The following CLDN12 variants were observed in gnomAD, a reference collection of about 807,000 sequenced individuals.
CLDN12 encodes claudin-12.
Under a neutral mutation model 15.5 loss-of-function variants are expected in CLDN12, and 9 were observed. The observed-to-expected ratio is 0.58, with a 90% CI of 0.35 to 1.02. CLDN12 has a LOEUF of 1.02. Among genes scored for constraint, CLDN12 ranks in the 50% least tolerant of loss-of-function variants. The pLI is 0.02. For synonymous variants in CLDN12, 140 were observed against 121.6 expected, an observed-to-expected ratio of 1.15 and a Z score of -1.00; for missense variants, 233 against 297.3, an observed-to-expected ratio of 0.78 and a Z score of 1.59.
At position 90,414,444 on chromosome 7, in the gene CLDN12, G is replaced by T. The variant is rs1019108615; in HGVS notation, c.*1033G>T. 37 of 964,934 alleles carry T rather than the reference G, an allele frequency of 3.8e-5. No individual in the cohort carries two copies. In the African/African-American group the frequency reaches 6.2e-4, roughly 16 times the overall value. The allele number at this position is 964,934 out of a possible 1,614,324, so 59.8% of individuals were successfully genotyped here. A position where few individuals can be genotyped will look rare whatever the true frequency, so the allele number is the denominator to read the frequency against. ...GCATATATCTCTGCCTAACACTTTA[G>T]TAGGTGCTATAGAGGATACATGAAA... is the stretch of plus-strand genomic sequence containing the variant. On this transcript the variant is annotated 3_prime_UTR_variant, in exon 4 of 4. Coordinates refer to ENST00000496677, the MANE Select transcript of CLDN12 (RefSeq NM_001185072.3).
rs1329659224 is a variant in CLDN12, at chr7:90,403,554, G to A, written c.-167+5G>A. The A allele has an allele frequency of 6.6e-6, 1 of 152,190 alleles. No homozygotes were observed. The highest frequency in any genetic ancestry group is 2.4e-5 in the African/African-American group (1 of 41,450). The allele number at this position is 152,190 out of a possible 1,614,324, so 9.4% of individuals were successfully genotyped here. ...TGCCCTGCGTGTGAGAAGCAGGTAG[G>A]TGTGGTCAAGATGTTCCGATTTCTG... On this transcript the variant is annotated splice_donor_5th_base_variant and intron_variant, in intron 1 of 3. Transcript: ENST00000496677.
chr7:90,411,690 C>A (rs553125861), intron 2 of CLDN12, among the ~76,000 whole-genome samples: 1 of 151,724 alleles, frequency 6.6e-6, no homozygotes, highest in Non-Finnish European at 1.5e-5. Context: ...ATTTCAGGGA[C>A]CATTGTTCTC....
In CLDN12 at chr7:90,415,047, C is replaced by T. The variant is rs1797046266; in HGVS notation, c.*1636C>T. On this transcript the variant is annotated 3_prime_UTR_variant, in exon 4 of 4. Transcript: ENST00000496677. Reference sequence around the variant, plus strand: ...TTATATGGTAAACAGATTATTATGCCTTTTTGCAATTCTGAATATGATTCT... The same window carrying T: ...TTATATGGTAAACAGATTATTATGCTTTTTTGCAATTCTGAATATGATTCT... 1 of 166,810 alleles carries T rather than the reference C, an allele frequency of 6.0e-6. No individual in the cohort carries two copies. Among genetic ancestry groups the T allele is most frequent in the African/African-American group, 2.4e-5 (1 of 41,404 alleles). The allele number at this position is 166,810 out of a possible 1,614,324, so 10.3% of individuals were successfully genotyped here.
rs1797028511 is a variant in CLDN12 at position 90,414,158 on chromosome 7, A to G, written c.*747A>G. ...TGAGGCAGAAAACTCTTTTTTGGAG[A>G]TATCTTCCATCAAGCAGTACTCGTG... On this transcript the variant is annotated 3_prime_UTR_variant, in exon 4 of 4. Transcript: ENST00000496677. 4 of 1,000,006 alleles carry G rather than the reference A, an allele frequency of 4.0e-6. No homozygotes were observed. The highest frequency in any genetic ancestry group is 4.8e-6 in the Non-Finnish European group (4 of 829,970). The allele number at this position is 1,000,006 out of a possible 1,614,324, so 61.9% of individuals were successfully genotyped here. A position where few individuals can be genotyped will look rare whatever the true frequency, so the allele number is the denominator to read the frequency against.
chr7:90,413,023 C>G lies in CLDN12; in HGVS notation c.347C>G (p.Ser116Trp), dbSNP rs747740249. The G allele has an allele frequency of 1.1e-5, 17 of 1,614,070 alleles. No homozygotes were observed. Among genetic ancestry groups the G allele is most frequent in the Non-Finnish European group, 1.4e-5 (16 of 1,180,052 alleles). Residue 116 changes from serine (S) to tryptophan (W), a missense_variant, in exon 4 of 4, where the codon TCG (serine) becomes TGG (tryptophan). By Grantham distance (177) the Ser-to-Trp change is radical. Transcript: ENST00000496677. ...ATGTGCAACACTGCCTTCAGGTCCT[C>G]GGTGCCCAACATCAAACTGGCCAAG... Reference protein sequence around the residue: ...IGMCNTAFRSSVPNIKLAKCL... With the variant: ...IGMCNTAFRSWVPNIKLAKCL...
At chr7:90,409,595 G>C (rs949390128) in intron 2 of CLDN12, among the ~76,000 whole-genome samples, 1 of 152,156 alleles carries the variant, frequency 6.6e-6, no homozygotes, top group Non-Finnish European at 1.5e-5. Flanking sequence ...GAAGACTTCT[G>C]AAGCTTGAAA....
chr7:90,408,368 T>C (rs562489412), intron 2 of CLDN12, among the ~76,000 whole-genome samples: 49 of 152,194 alleles, frequency 3.2e-4, no homozygotes, highest in African/African-American at 1.2e-3. Context: ...TCTGGCATGG[T>C]GGCATGCACC....
In CLDN12 at chr7:90,415,137, G is replaced by A. The variant is rs559357320; in HGVS notation, c.*1726G>A. 349 of 165,784 alleles carry A rather than the reference G, an allele frequency of 2.1e-3. 3 individuals are homozygous for A. Among genetic ancestry groups the A allele is most frequent in the South Asian group, 4.8e-3 (23 of 4,828 alleles). 10.3% of individuals were successfully genotyped at this position (165,784 alleles called of 1,614,324 possible). A position where few individuals can be genotyped will look rare whatever the true frequency, so the allele number is the denominator to read the frequency against. ...TCCAACACTAGTTTATATATATAGC[G>A]AATAAATCTAGTTGTATAAATTTTT... On this transcript the variant is annotated 3_prime_UTR_variant, in exon 4 of 4. Coordinates refer to ENST00000496677, the MANE Select transcript of CLDN12 (RefSeq NM_001185072.3).
In CLDN12 at chr7:90,413,386, T is replaced by C. The variant is rs1436940870; in HGVS notation, c.710T>C (p.Ile237Thr). Residue 237 changes from isoleucine (I) to threonine (T), a missense_variant, in exon 4 of 4, where the codon ATT (isoleucine) becomes ACT (threonine). Coordinates refer to ENST00000496677, the MANE Select transcript of CLDN12 (RefSeq NM_001185072.3). ...RSRLSAIEIDIPVVSHTT is the reference protein window; with the variant it reads ...RSRLSAIEIDTPVVSHTT ...CGCCTCTCTGCCATTGAAATTGACA[T>C]TCCAGTAGTTTCACACACCACTTAA... 1 of 1,613,800 alleles carries C rather than the reference T, an allele frequency of 6.2e-7. No individual in the cohort carries two copies. The highest frequency in any genetic ancestry group is 1.1e-5 in the South Asian group (1 of 91,034).
chr7:90,413,523 A>G lies in CLDN12; in HGVS notation c.*112A>G. Reference sequence around the variant, plus strand: ...TCCTTTGTTTTTGACCAATCAATGAAGCCAAATTTATATGTCCTAGTAGAA... The same window carrying G: ...TCCTTTGTTTTTGACCAATCAATGAGGCCAAATTTATATGTCCTAGTAGAA... On this transcript the variant is annotated 3_prime_UTR_variant, in exon 4 of 4. Transcript: ENST00000496677. 6.7e-7 allele frequency: 1 copy of G among 1,499,138 alleles called. No homozygotes were observed. Among genetic ancestry groups the G allele is most frequent in the East Asian group, 2.3e-5 (1 of 42,836 alleles). The allele number at this position is 1,499,138 out of a possible 1,614,324, so 92.9% of individuals were successfully genotyped here. A position where few individuals can be genotyped will look rare whatever the true frequency, so the allele number is the denominator to read the frequency against.
At position 90,413,162 on chromosome 7, in the gene CLDN12, CAAG is replaced by C. The variant is rs773058903; in HGVS notation, c.490_492del (p.Lys164del). The C allele has an allele frequency of 3.1e-6, 5 of 1,614,092 alleles. No individual in the cohort carries two copies. The highest frequency in any genetic ancestry group is 4.2e-6 in the Non-Finnish European group (5 of 1,180,042). On this transcript the variant is annotated inframe_deletion, in exon 4 of 4. Transcript: ENST00000496677. ...TCATCTTTTATAACATCCATCTGAA[CAAG>C]AAGTTTGAGCCAGTCTTTTCATTTG...
At chr7:90,406,669 G>A (rs537620490) in intron 2 of CLDN12, among the ~76,000 whole-genome samples, 46 of 152,302 alleles carry the variant, frequency 3.0e-4, no homozygotes, top group Non-Finnish European at 5.9e-4. Flanking sequence ...GAGGTTCAGA[G>A]GACATAAGTG....
At chr7:90,411,921 GT>G (rs1796971831) in intron 2 of CLDN12, 85 bp from the exon 3 acceptor site, 1 of 152,190 alleles carries the variant, frequency 6.6e-6, no homozygotes, top group Non-Finnish European at 1.5e-5. Flanking sequence ...TTCTAGACAT[GT>G]TTTAAGCACT....
rs1232533722 is a variant in CLDN12, at chr7:90,413,889, ACT to A, written c.*481_*482del. ...GTCAATAATCTAGCTTAAGGCTGTA[ACT>A]CTTCTATCGGGGCTAATTGTATGAA... is the stretch of plus-strand genomic sequence containing the variant. On this transcript the variant is annotated 3_prime_UTR_variant, in exon 4 of 4. Coordinates refer to ENST00000496677, the MANE Select transcript of CLDN12 (RefSeq NM_001185072.3). 2 of 999,142 alleles carry A rather than the reference ACT, an allele frequency of 2.0e-6. No homozygotes were observed. Among genetic ancestry groups the A allele is most frequent in the Non-Finnish European group, 2.4e-6 (2 of 829,434 alleles). The allele number at this position is 999,142 out of a possible 1,614,324, so 61.9% of individuals were successfully genotyped here. A position where few individuals can be genotyped will look rare whatever the true frequency, so the allele number is the denominator to read the frequency against.
chr7:90,409,891 CAG>C (rs1425744966), intron 2 of CLDN12, among the ~76,000 whole-genome samples: 1 of 152,170 alleles, frequency 6.6e-6, no homozygotes, highest in Non-Finnish European at 1.5e-5. Flanking sequence ...CAGGGCCTAA[CAG>C]AGTGTTTTGC....
rs17863096 is a variant in CLDN12 at position 90,415,786 on chromosome 7, A to G, written c.*2375A>G. The G allele has an allele frequency of 3.0e-5, 5 of 167,184 alleles. No homozygotes were observed. The highest frequency in any genetic ancestry group is 4.8e-5 in the African/African-American group (2 of 41,570). 10.4% of individuals were successfully genotyped at this position (167,184 alleles called of 1,614,324 possible). A position where few individuals can be genotyped will look rare whatever the true frequency, so the allele number is the denominator to read the frequency against. ...ACTTGGAAAACAACCTTAAATGTGGATGTATCAGATTTGGTTTATCCAGCC... is the reference window on the plus strand; with the variant it reads ...ACTTGGAAAACAACCTTAAATGTGGGTGTATCAGATTTGGTTTATCCAGCC... On this transcript the variant is annotated 3_prime_UTR_variant, in exon 4 of 4. Coordinates refer to ENST00000496677, the MANE Select transcript of CLDN12 (RefSeq NM_001185072.3).
Position 90,413,516 on chromosome 7 carries a change from T to A in CLDN12, c.*105T>A, listed in dbSNP as rs1188004664. The A allele has an allele frequency of 6.6e-7, 1 of 1,506,354 alleles. No homozygotes were observed. 93.3% of individuals were successfully genotyped at this position (1,506,354 alleles called of 1,614,324 possible). Reference sequence around the variant, plus strand: ...TACATTTTCCTTTGTTTTTGACCAATCAATGAAGCCAAATTTATATGTCCT... The same window carrying A: ...TACATTTTCCTTTGTTTTTGACCAAACAATGAAGCCAAATTTATATGTCCT... On this transcript the variant is annotated 3_prime_UTR_variant, in exon 4 of 4. Transcript: ENST00000496677.
chr7:90,408,851 TA>T (rs1357056160), intron 2 of CLDN12: 2 of 152,214 alleles, frequency 1.3e-5, no homozygotes, highest in African/African-American at 4.8e-5. Context: ...TATATTGTCG[TA>T]CCTCTCTTCA....
chr7:90,411,647 G>A (rs2058335), intron 2 of CLDN12, among the ~76,000 whole-genome samples: 7 of 135,828 alleles, frequency 5.2e-5, no homozygotes, highest in African/African-American at 2.0e-4. Flanking sequence ...ATTGGGTCAT[G>A]TTGAATCAAC....
Sources: gnomAD v4.1 joint callset for allele counts (sites outside exome capture counted in the v4.1 genomes callset) on GRCh38, gnomAD v4.1.1 for gene constraint, MANE v1.5 for transcripts, NCBI Gene and HGNC (gene_info 2026-07-23, HGNC 2026-07-21) for gene names.